Variants in TMEM132D observed in about 807,000 individuals in gnomAD.
TMEM132D encodes mature OL transmembrane protein.
A neutral mutation model predicts 62.3 loss-of-function variants in TMEM132D; 21 were observed. The observed-to-expected ratio is 0.34, with a 90% CI of 0.24 to 0.49. TMEM132D has a LOEUF of 0.49. TMEM132D is among the 20% of genes least tolerant of loss of function. The pLI, the probability that TMEM132D is intolerant of heterozygous loss-of-function variation, is 0.99. For missense variants in TMEM132D, 1,346 were observed against 1,402.8 expected (o/e 0.96, Z 0.65); for synonymous variants, 621 against 575.6 (o/e 1.08, Z -1.13).
At chr12:129,558,140 ACAGGCAAGAATC>A (rs1279338586) in intron 2 of TMEM132D, among the ~76,000 whole-genome samples, 4 of 152,160 alleles carry the variant, frequency 2.6e-5, no homozygotes, top group African/African-American at 9.7e-5. Flanking sequence ...GTTTATAGGG[ACAGGCAAGAATC>A]CAGGCTGATG....
At chr12:129,296,957 T>C (rs532625837) in intron 4 of TMEM132D, among the ~76,000 whole-genome samples, 23 of 152,348 alleles carry the variant, frequency 1.5e-4, no homozygotes, top group African/African-American at 4.6e-4. Context: ...TGGGGAGGAA[T>C]TTATCAACCA....
chr12:129,589,627 A>G (rs1878135496), intron 2 of TMEM132D, among the ~76,000 whole-genome samples: 1 of 152,192 alleles, frequency 6.6e-6, no homozygotes, highest in Non-Finnish European at 1.5e-5. Context: ...GATGCAGGTA[A>G]TATACATTCT....
chr12:129,357,441 A>G (rs955029878), intron 3 of TMEM132D, among the ~76,000 whole-genome samples: 2 of 151,252 alleles, frequency 1.3e-5, no homozygotes, highest in Admixed American at 6.6e-5. Flanking sequence ...AGGAAAGAAA[A>G]AAAGAAAAAG....
intron 1 of TMEM132D, among the ~76,000 whole-genome samples, chr12:129,772,177 T>C (rs2137283759): frequency 6.6e-6 from 1 of 152,348 alleles, no homozygotes; most frequent in Middle Eastern, 3.4e-3. Context: ...CTCATTTTTT[T>C]AACAGGTGCA....
intron 3 of TMEM132D, among the ~76,000 whole-genome samples, chr12:129,412,775 C>T (rs2135706654): frequency 6.6e-6 from 1 of 152,300 alleles, no homozygotes; most frequent in Non-Finnish European, 1.5e-5. Context: ...ATCACTTGAA[C>T]CCTGGAGGCA....
intron 2 of TMEM132D, among the ~76,000 whole-genome samples, chr12:129,653,738 G>C (rs1279101914): frequency 6.6e-6 from 1 of 152,062 alleles, no homozygotes; most frequent in Non-Finnish European, 1.5e-5. Flanking sequence ...TAGAAAAATG[G>C]CTAAGATAGC....
intron 3 of TMEM132D, among the ~76,000 whole-genome samples, chr12:129,468,565 AT>A (rs5801856): frequency 0.012 from 1,760 of 152,034 alleles, 38 homozygotes; most frequent in African/African-American, 0.04. Flanking sequence ...AGTCAATAAG[AT>A]TTTTTTTTTT....
intron 8 of TMEM132D, among the ~76,000 whole-genome samples, chr12:129,075,957 C>T (rs1874238805): frequency 6.6e-6 from 1 of 152,160 alleles, no homozygotes; most frequent in African/African-American, 2.4e-5. Context: ...CTGCTCCGCC[C>T]CAAGCCCGAG....
intron 3 of TMEM132D, among the ~76,000 whole-genome samples, chr12:129,501,630 A>G (rs143628372): frequency 1.3e-3 from 196 of 151,816 alleles, no homozygotes; most frequent in Non-Finnish European, 2.0e-3. Context: ...TCAGCCTTCT[A>G]AATAGCTGGG....
chr12:129,820,833 C>T (rs2137324852), intron 1 of TMEM132D, among the ~76,000 whole-genome samples: 1 of 152,340 alleles, frequency 6.6e-6, no homozygotes, highest in Non-Finnish European at 1.5e-5. Flanking sequence ...AAGCCATCCT[C>T]CTGCCTTGGC....
chr12:129,244,399 A>AC (rs1880030191), intron 4 of TMEM132D, among the ~76,000 whole-genome samples: 1 of 133,990 alleles, frequency 7.5e-6, no homozygotes, highest in African/African-American at 2.9e-5. Context: ...AAAAAAAAAA[A>AC]AAAAAAAAAA....
intron 5 of TMEM132D, among the ~76,000 whole-genome samples, chr12:129,090,116 C>T (rs1435561024): frequency 1.3e-5 from 2 of 152,258 alleles, no homozygotes; most frequent in Non-Finnish European, 1.5e-5. Context: ...TGATCGATGG[C>T]GCTGAGGAGA....
At chr12:129,642,861 A>C (rs1879674489) in intron 2 of TMEM132D, among the ~76,000 whole-genome samples, 1 of 152,020 alleles carries the variant, frequency 6.6e-6, no homozygotes, top group African/African-American at 2.4e-5. Flanking sequence ...GAGAAACGTT[A>C]AACACATTCT....
At chr12:129,536,531 T>G (rs575393000) in intron 2 of TMEM132D, among the ~76,000 whole-genome samples, 1 of 152,346 alleles carries the variant, frequency 6.6e-6, no homozygotes, top group Non-Finnish European at 1.5e-5. Context: ...ATCAACATGT[T>G]GATATATCAC....
intron 4 of TMEM132D, among the ~76,000 whole-genome samples, chr12:129,300,121 C>G (rs1881674770): frequency 6.6e-6 from 1 of 152,152 alleles, no homozygotes; most frequent in Admixed American, 6.5e-5. Flanking sequence ...ATGTGCCATT[C>G]AAAATGTACT....
intron 3 of TMEM132D, among the ~76,000 whole-genome samples, chr12:129,428,555 TTTTA>T (rs1872562409): frequency 6.6e-6 from 1 of 152,226 alleles, no homozygotes. Context: ...GACTTTGATT[TTTTA>T]TTTATTTGTT....
chr12:129,900,412 A>G (rs1875313604), intron 1 of TMEM132D, among the ~76,000 whole-genome samples: 1 of 152,168 alleles, frequency 6.6e-6, no homozygotes, highest in African/African-American at 2.4e-5. Flanking sequence ...CATTGGCTGC[A>G]CTCAGCTGGA....
intron 1 of TMEM132D, among the ~76,000 whole-genome samples, chr12:129,847,906 T>C (rs1481120003): frequency 6.6e-6 from 1 of 152,064 alleles, no homozygotes; most frequent in African/African-American, 2.4e-5. Context: ...TTCAGAGGAC[T>C]CCAGCCACAG....
At chr12:129,085,827 T>C (rs1874600296) in intron 5 of TMEM132D, 1 of 152,254 alleles carries the variant, frequency 6.6e-6, no homozygotes, top group East Asian at 1.9e-4. Context: ...AAGAAGCAAG[T>C]TCAATGTAAG....
Sources: allele counts gnomAD v4.1 joint callset (sites outside exome capture counted in the v4.1 genomes callset), GRCh38; gene constraint gnomAD v4.1.1; transcripts MANE v1.5; gene names NCBI Gene and HGNC (gene_info 2026-07-23, HGNC 2026-07-21).